SDHAF3: variants seen among roughly 807,000 people sequenced by gnomAD.
SDHAF3 encodes the protein succinate dehydrogenase complex assembly factor 3.
In SDHAF3, 18 loss-of-function variants were observed where a neutral mutation model predicts 11.5. The ratio of observed to expected loss-of-function variants is 1.56; its 90% CI spans 1.08 to 2.32. The LOEUF is 2.32. Ranked by LOEUF, SDHAF3 falls within the 30% of genes most tolerant of loss-of-function variation. The pLI is 0.00. For missense variants in SDHAF3, 200 were observed against 154.4 expected (o/e 1.30, Z -1.57); for synonymous variants, 72 against 59.3 (o/e 1.21, Z -0.99).
At chr7:97,122,635 T>C (rs1224624179) in intron 1 of SDHAF3, among the ~76,000 whole-genome samples, 2 of 151,934 alleles carry the variant, frequency 1.3e-5, no homozygotes, top group African/African-American at 2.4e-5. Flanking sequence ...AGAATAGTCA[T>C]ATAGGAGGAA....
At chr7:97,174,596 T>C (rs779854510) in intron 1 of SDHAF3, among the ~76,000 whole-genome samples, 4 of 152,204 alleles carry the variant, frequency 2.6e-5, no homozygotes, top group Non-Finnish European at 5.9e-5. Context: ...TTCCTTGTCA[T>C]TGATGGCCTT....
chr7:97,162,571 G>T (rs1789430199), intron 1 of SDHAF3, among the ~76,000 whole-genome samples: 1 of 152,118 alleles, frequency 6.6e-6, no homozygotes, highest in Non-Finnish European at 1.5e-5. Flanking sequence ...ATGTGTCCCA[G>T]AGATTCTGGT....
chr7:97,165,522 A>T (rs937033127), intron 1 of SDHAF3, among the ~76,000 whole-genome samples: 1 of 152,124 alleles, frequency 6.6e-6, no homozygotes, highest in African/African-American at 2.4e-5. Context: ...TGATTGAAGA[A>T]TTTAAATGAC....
intron 1 of SDHAF3, among the ~76,000 whole-genome samples, chr7:97,167,484 A>G (rs62499475): frequency 0.17 from 26,320 of 152,098 alleles, 2,881 homozygotes; most frequent in Non-Finnish European, 0.25. Context: ...CTAATACACT[A>G]CTCAATGTGT....
intron 1 of SDHAF3, among the ~76,000 whole-genome samples, chr7:97,172,199 T>C (rs954375279): frequency 6.6e-6 from 1 of 152,202 alleles, no homozygotes; most frequent in Non-Finnish European, 1.5e-5. Flanking sequence ...ATCCATGATA[T>C]TTTGCAAGTT....
chr7:97,171,147 T>C (rs891626787), intron 1 of SDHAF3, among the ~76,000 whole-genome samples: 10 of 152,100 alleles, frequency 6.6e-5, no homozygotes, highest in Non-Finnish European at 1.5e-4. Flanking sequence ...TTTTTGCTCC[T>C]CTAGGAGGCA....
At chr7:97,160,219 G>A (rs1344192507) in intron 1 of SDHAF3, among the ~76,000 whole-genome samples, 2 of 128,104 alleles carry the variant, frequency 1.6e-5, no homozygotes, top group African/African-American at 3.1e-5. Flanking sequence ...CTGCCCGGCC[G>A]CCCATCGTCT....
At chr7:97,126,691 G>T (rs932582960) in intron 1 of SDHAF3, among the ~76,000 whole-genome samples, 1 of 152,084 alleles carries the variant, frequency 6.6e-6, no homozygotes, top group Non-Finnish European at 1.5e-5. Flanking sequence ...ACTTGTGCTG[G>T]CAGCGAGAAA....
At chr7:97,155,900 T>C (rs1476481913) in intron 1 of SDHAF3, among the ~76,000 whole-genome samples, 2 of 152,024 alleles carry the variant, frequency 1.3e-5, no homozygotes, top group Non-Finnish European at 1.5e-5. Flanking sequence ...AAAGTAGATA[T>C]CAATTTGCAT....
At chr7:97,165,431 GTATT>G (rs1467859428) in intron 1 of SDHAF3, among the ~76,000 whole-genome samples, 2 of 124,246 alleles carry the variant, frequency 1.6e-5, no homozygotes, top group East Asian at 4.4e-4. Context: ...TTTTTTATGG[GTATT>G]TATTTGAAAA....
rs374948889 is a variant in SDHAF3, at chr7:97,141,592, C to T, written c.174+23695C>T. ...GATATCTGGCGCCCGATGTGGGGCT[C>T]GAACCCACGACCCTGAGATTAAGAG... On this transcript the variant is annotated intron_variant, in intron 1 of 1. Coordinates refer to ENST00000432641, the MANE Select transcript of SDHAF3 (RefSeq NM_020186.3). Among the ~76,000 whole-genome samples, 45 of 152,200 alleles carry T rather than the reference C, an allele frequency of 3.0e-4. No homozygotes were observed. The East Asian group carries it at 4.6e-3, about 16-fold the overall frequency.
At chr7:97,134,438 C>T (rs1297828580) in intron 1 of SDHAF3, among the ~76,000 whole-genome samples, 6 of 152,128 alleles carry the variant, frequency 3.9e-5, no homozygotes, top group African/African-American at 1.4e-4. Flanking sequence ...GAGAAAGATG[C>T]ACAGAGTGAA....
At chr7:97,143,936 G>T (rs1477406096) in intron 1 of SDHAF3, among the ~76,000 whole-genome samples, 1 of 152,128 alleles carries the variant, frequency 6.6e-6, no homozygotes. Flanking sequence ...GGCTGTACTG[G>T]TTTACATTCC....
At chr7:97,165,357 C>CTTTTTTTTTTTTTTTTTTT (rs10653828) in intron 1 of SDHAF3, among the ~76,000 whole-genome samples, 145 of 76,990 alleles carry the variant, frequency 1.9e-3, no homozygotes, top group Non-Finnish European at 2.7e-3. Flanking sequence ...ATTTTCCTAC[C>CTTTTTTTTTTTTTTTTTTT]TTTTTTTTTT....
chr7:97,126,847 A>G (rs77278769), intron 1 of SDHAF3, among the ~76,000 whole-genome samples: 1 of 148,394 alleles, frequency 6.7e-6, no homozygotes, highest in Non-Finnish European at 1.5e-5. Flanking sequence ...GGAGTACCGA[A>G]AAAAAAAAAA....
chr7:97,150,808 C>T lies in SDHAF3; in HGVS notation c.175-30204C>T, dbSNP rs188101645. On this transcript the variant is annotated intron_variant, in intron 1 of 1. Transcript: ENST00000432641. ...CGATCTCCTGACCTTGTGATCCTTCCGCCATGGCCTCCCAAAGTGCTGGGA... is the reference window on the plus strand; with the variant it reads ...CGATCTCCTGACCTTGTGATCCTTCTGCCATGGCCTCCCAAAGTGCTGGGA... Among the ~76,000 whole-genome samples, 19 of 152,008 alleles carry T rather than the reference C, an allele frequency of 1.2e-4. No individual in the cohort carries two copies. The East Asian group carries it at 1.4e-3, about 11-fold the overall frequency.
At chr7:97,165,101 G>C (rs983532459) in intron 1 of SDHAF3, among the ~76,000 whole-genome samples, 11 of 151,984 alleles carry the variant, frequency 7.2e-5, no homozygotes, top group Non-Finnish European at 1.5e-4. Context: ...TGGCTAACTT[G>C]GTGAAACCCC....
At chr7:97,129,834 C>G (rs776204579) in intron 1 of SDHAF3, among the ~76,000 whole-genome samples, 1 of 152,138 alleles carries the variant, frequency 6.6e-6, no homozygotes, top group Non-Finnish European at 1.5e-5. Flanking sequence ...GAGCCAGGCA[C>G]AGAGCAGCAA....
At chr7:97,167,412 T>G (rs1789525200) in intron 1 of SDHAF3, among the ~76,000 whole-genome samples, 2 of 152,212 alleles carry the variant, frequency 1.3e-5, no homozygotes, top group Admixed American at 6.5e-5. Context: ...CAAAGAAACC[T>G]CTTTTCTTCA....
Sources: allele counts gnomAD v4.1 joint callset (sites outside exome capture counted in the v4.1 genomes callset), GRCh38; gene constraint gnomAD v4.1.1; transcripts MANE v1.5; gene names NCBI Gene and HGNC (gene_info 2026-07-23, HGNC 2026-07-21).